Variants in CDH22 observed in about 807,000 individuals in gnomAD.
CDH22 encodes cadherin 22.
Under a neutral mutation model 58.4 loss-of-function variants are expected in CDH22, and 30 were observed. That is an observed-to-expected ratio of 0.51 (90% CI 0.38 to 0.70). The LOEUF is 0.70. Among genes scored for constraint, CDH22 ranks in the 30% least tolerant of loss-of-function variants. The probability of loss-of-function intolerance (pLI) is 0.00; values close to 1 mark genes in which losing one functional copy is unlikely to be tolerated. For synonymous variants in CDH22, 513 were observed against 558.2 expected (o/e 0.92, Z 1.14); for missense variants, 1,014 against 1,233.9 (o/e 0.82, Z 2.67).
chr20:46,221,373 C>T (rs139723555), intron 4 of CDH22, among the ~76,000 whole-genome samples: 7 of 150,916 alleles, frequency 4.6e-5, no homozygotes, highest in African/African-American at 7.3e-5. Context: ...GGCTTACTCA[C>T]GCATCTGAGC....
chr20:46,227,678 C>T lies in CDH22; in HGVS notation c.551-51G>A, dbSNP rs778113448. On this transcript the variant is annotated intron_variant, in intron 3 of 11. Coordinates refer to ENST00000537909, the MANE Select transcript of CDH22 (RefSeq NM_021248.3). ...AGGGGTCATCTGGGGCTGCGGAGCT[C>T]GTTCCCCCACTTCGCCTCACCCCAG... 1.7e-5 allele frequency: 27 copies of T among 1,561,904 alleles called. No individual in the cohort carries two copies. The Admixed American group carries it at 3.5e-4, about 20-fold the overall frequency.
intron 1 of CDH22, among the ~76,000 whole-genome samples, chr20:46,270,494 T>G (rs926795569): frequency 1.3e-5 from 2 of 152,098 alleles, no homozygotes; most frequent in African/African-American, 4.8e-5. Context: ...TAATCTCCGG[T>G]CTCGGGCTGG....
At chr20:46,221,812 C>T (rs2086128321) in intron 4 of CDH22, among the ~76,000 whole-genome samples, 3 of 152,190 alleles carry the variant, frequency 2.0e-5, no homozygotes, top group Admixed American at 2.0e-4. Context: ...GAGACTATTG[C>T]CCTCTGAGAG....
chr20:46,229,902 A>G (rs537877120), intron 3 of CDH22, among the ~76,000 whole-genome samples: 7 of 152,254 alleles, frequency 4.6e-5, no homozygotes, highest in African/African-American at 1.7e-4. Flanking sequence ...GACTCCCCAG[A>G]GACATGGCTG....
intron 1 of CDH22, among the ~76,000 whole-genome samples, chr20:46,270,984 T>C (rs1400909635): frequency 6.6e-6 from 1 of 152,218 alleles, no homozygotes; most frequent in Non-Finnish European, 1.5e-5. Context: ...GCTTGAATAG[T>C]TGATGAATAT....
chr20:46,199,668 C>T, intron 7 of CDH22, 109 bp from the exon 8 acceptor site: 1 of 1,353,136 alleles, frequency 7.4e-7, no homozygotes, highest in Admixed American at 2.4e-5. Flanking sequence ...CTTGGACACA[C>T]ACAAGGGGCA....
At chr20:46,263,762 G>T (rs187833030) in intron 1 of CDH22, among the ~76,000 whole-genome samples, 6 of 152,286 alleles carry the variant, frequency 3.9e-5, no homozygotes, top group African/African-American at 7.2e-5. Flanking sequence ...CTGAGGACGG[G>T]CCTGGAGGAG....
intron 8 of CDH22, among the ~76,000 whole-genome samples, chr20:46,187,557 C>T (rs1461795015): frequency 6.6e-6 from 1 of 151,906 alleles, no homozygotes; most frequent in African/African-American, 2.4e-5. Flanking sequence ...CTAAAGCCAT[C>T]ACCATCACTA....
At chr20:46,284,052 T>A (rs1012637432) in intron 1 of CDH22, among the ~76,000 whole-genome samples, 18 of 152,184 alleles carry the variant, frequency 1.2e-4, no homozygotes, top group African/African-American at 4.3e-4. Flanking sequence ...AATGATTTTC[T>A]TATTTTCAGG....
intron 1 of CDH22, among the ~76,000 whole-genome samples, chr20:46,294,833 A>C (rs990263241): frequency 4.6e-5 from 7 of 152,218 alleles, no homozygotes; most frequent in African/African-American, 1.7e-4. Flanking sequence ...TTGGCTGTTC[A>C]TCCCAAATTC....
At position 46,199,469 on chromosome 20, in the gene CDH22, G is replaced by A. The variant is rs775664869; in HGVS notation, c.1377C>T (p.Arg459=). The A allele has an allele frequency of 2.5e-6, 4 of 1,613,728 alleles. No individual in the cohort carries two copies. In the Admixed American group the frequency reaches 6.7e-5, roughly 27 times the overall value. The stretch of plus-strand genomic sequence containing the variant: ...TGATGTTGTGCCAGCCGGCCGTCTC[G>A]CGGTCCAGCCCCTTGCCAGTCACGA... The part of the protein sequence containing the change: ...GAIVTGKGLD[R]ETAGWHNITV... The change falls in exon 8 of 12, where the codon CGC becomes CGT. Residue 459 remains arginine, a synonymous_variant. Coordinates refer to ENST00000537909, the MANE Select transcript of CDH22 (RefSeq NM_021248.3).
intron 1 of CDH22, among the ~76,000 whole-genome samples, chr20:46,281,468 C>T (rs1344081052): frequency 6.6e-6 from 1 of 150,516 alleles, no homozygotes; most frequent in Non-Finnish European, 1.5e-5. Context: ...TCACATACGC[C>T]TACCCTGATA....
Position 46,189,947 on chromosome 20 carries a change from A to AT in CDH22, c.1424-3001dup, listed in dbSNP as rs60240148. On this transcript the variant is annotated intron_variant, in intron 8 of 11. Coordinates refer to ENST00000537909, the MANE Select transcript of CDH22 (RefSeq NM_021248.3). The stretch of plus-strand genomic sequence containing the variant: ...ACCGATGCCCAAAGCTTGGTCAGTG[A>AT]TTTTTTTTTTTTTTTTAAACAGCTC... Among the ~76,000 whole-genome samples the AT allele has an allele frequency of 8.2e-3, 1,177 of 142,700 alleles. 7 individuals are homozygous for AT. Among genetic ancestry groups the AT allele is most frequent in the Non-Finnish European group, 0.011 (714 of 64,728 alleles). The allele number at this position is 142,700 out of a possible 152,430, so 93.6% of individuals were successfully genotyped here.
At position 46,241,730 on chromosome 20, in the gene CDH22, C is replaced by T. The variant is rs2086291483; in HGVS notation, c.256-473G>A. ...CCTCTTTCAGAAAGCTTTTCTGGAT[C>T]CTCAGTCTCCCCCTGCCCCCAGGAT... On this transcript the variant is annotated intron_variant, in intron 2 of 11. Coordinates refer to ENST00000537909, the MANE Select transcript of CDH22 (RefSeq NM_021248.3). The surrounding 1 kb of genome is among the most constrained non-coding windows in gnomAD (Gnocchi z 5.2). Among the ~76,000 whole-genome samples the T allele has an allele frequency of 6.6e-6, 1 of 152,214 alleles. No individual in the cohort carries two copies. The highest frequency in any genetic ancestry group is 2.1e-4 in the South Asian group (1 of 4,822).
intron 7 of CDH22, among the ~76,000 whole-genome samples, chr20:46,209,556 C>T (rs1487569716): frequency 6.6e-6 from 1 of 152,100 alleles, no homozygotes; most frequent in African/African-American, 2.4e-5. Context: ...GGGGTGAGGA[C>T]AGAATCAGGG....
At chr20:46,218,317 C>T (rs1488347093) in intron 4 of CDH22, among the ~76,000 whole-genome samples, 2 of 152,218 alleles carry the variant, frequency 1.3e-5, no homozygotes, top group East Asian at 1.9e-4. Context: ...TGTGTGACTC[C>T]CCTGGGCAAC....
chr20:46,294,262 A>G (rs1470301541), intron 1 of CDH22, among the ~76,000 whole-genome samples: 1 of 152,104 alleles, frequency 6.6e-6, no homozygotes, highest in East Asian at 1.9e-4. Context: ...CCCTTCCTTG[A>G]GTCTCTGGTT....
intron 1 of CDH22, among the ~76,000 whole-genome samples, chr20:46,305,844 C>G (rs1017513558): frequency 6.6e-6 from 1 of 152,272 alleles, no homozygotes; most frequent in Non-Finnish European, 1.5e-5. Context: ...TGGCCCGGCC[C>G]CCTGTCAGAC....
intron 3 of CDH22, among the ~76,000 whole-genome samples, chr20:46,236,204 C>G (rs1457535020): frequency 6.6e-6 from 1 of 151,946 alleles, no homozygotes; most frequent in Non-Finnish European, 1.5e-5. Flanking sequence ...TTCTAACAGC[C>G]CAGACCTCGT....
Sources: allele counts gnomAD v4.1 joint callset (sites outside exome capture counted in the v4.1 genomes callset), GRCh38; gene constraint gnomAD v4.1.1; non-coding constraint Gnocchi (gnomAD v3.1); transcripts MANE v1.5; gene names NCBI Gene and HGNC (gene_info 2026-07-23, HGNC 2026-07-21).